The following POFUT1 variants were observed in gnomAD, a reference collection of about 807,000 sequenced individuals.
POFUT1 encodes the protein protein O-fucosyltransferase 1, also known as GDP-fucose protein O-fucosyltransferase 1.
POFUT1 carries 16 observed loss-of-function variants against 42.4 expected under a neutral mutation model. The observed-to-expected ratio is 0.38, with a 90% CI of 0.26 to 0.57. POFUT1 has a LOEUF of 0.57. Among genes scored for constraint, POFUT1 ranks in the 20% least tolerant of loss-of-function variants. POFUT1 has a pLI of 0.71. For synonymous variants in POFUT1, 206 were observed against 205.4 expected (o/e 1.00, Z -0.03); for missense variants, 470 against 504.6 (o/e 0.93, Z 0.66).
intron 4 of POFUT1, among the ~76,000 whole-genome samples, chr20:32,224,476 C>T (rs2047405216): frequency 6.6e-6 from 1 of 152,016 alleles, no homozygotes; most frequent in Admixed American, 6.5e-5. Flanking sequence ...TGTCACTGGT[C>T]CGAGGCCTGT....
intron 2 of POFUT1, 88 bp from the exon 3 acceptor site, chr20:32,215,181 A>T: frequency 9.8e-7 from 1 of 1,024,394 alleles, no homozygotes; most frequent in Non-Finnish European, 1.5e-6. Context: ...GAGCCACTGC[A>T]CCTGGCCTGG....
chr20:32,234,759 A>G lies in POFUT1; in HGVS notation c.*98A>G. ...GCAGCCAGAGGTGCTCCGGGATTGC[A>G]AACTCCTCTTCTCACCTGCCAAAGA... On this transcript the variant is annotated 3_prime_UTR_variant, in exon 7 of 7. Transcript: ENST00000375749. 9.3e-7 allele frequency: 1 copy of G among 1,078,578 alleles called. No homozygotes were observed. Among genetic ancestry groups the G allele is most frequent in the Non-Finnish European group, 1.3e-6 (1 of 751,358 alleles). The allele number at this position is 1,078,578 out of a possible 1,614,324, so 66.8% of individuals were successfully genotyped here. A position where few individuals can be genotyped will look rare whatever the true frequency, so the allele number is the denominator to read the frequency against.
intron 4 of POFUT1, among the ~76,000 whole-genome samples, chr20:32,220,536 A>G (rs1314645834): frequency 6.6e-6 from 1 of 152,068 alleles, no homozygotes; most frequent in Non-Finnish European, 1.5e-5. Flanking sequence ...GAGCCCAGGA[A>G]TTCAAGACCA....
intron 6 of POFUT1, among the ~76,000 whole-genome samples, 163 bp from the exon 7 acceptor site, chr20:32,234,310 G>A (rs934406100): frequency 1.3e-5 from 2 of 152,244 alleles, no homozygotes; most frequent in African/African-American, 2.4e-5. Context: ...GGCCTAGGCA[G>A]CAGCTGGGCA....
At chr20:32,228,091 A>G (rs1346222121) in intron 4 of POFUT1, among the ~76,000 whole-genome samples, 172 bp from the exon 5 acceptor site, 1 of 152,194 alleles carries the variant, frequency 6.6e-6, no homozygotes. Flanking sequence ...GCCGCCACCA[A>G]GGTTCCTTAT....
At chr20:32,217,425 G>A (rs2047367958) in intron 4 of POFUT1, 2 of 1,015,978 alleles carry the variant, frequency 2.0e-6, no homozygotes, top group Non-Finnish European at 2.4e-6. Context: ...TTCATGTGCG[G>A]TCAAAGCACT....
chr20:32,220,200 T>A (rs2047384373), intron 4 of POFUT1, among the ~76,000 whole-genome samples: 1 of 152,270 alleles, frequency 6.6e-6, no homozygotes, highest in Non-Finnish European at 1.5e-5. Flanking sequence ...CACATTTGTG[T>A]ATCTCTTCAT....
intron 3 of POFUT1, 118 bp from the exon 4 acceptor site, chr20:32,216,491 T>C: frequency 1.5e-6 from 1 of 668,036 alleles, no homozygotes; most frequent in Non-Finnish European, 2.7e-6. Context: ...GGCCATCCTG[T>C]GAGAGTGTTT....
intron 4 of POFUT1, chr20:32,222,973 C>T (rs1204132940): frequency 2.8e-5 from 28 of 984,916 alleles, no homozygotes; most frequent in Non-Finnish European, 3.3e-5. Context: ...TCCTTCATGG[C>T]AGGGACATCC....
intron 4 of POFUT1, among the ~76,000 whole-genome samples, chr20:32,225,764 A>G (rs1287668160): frequency 1.3e-5 from 2 of 152,146 alleles, no homozygotes; most frequent in African/African-American, 2.4e-5. Flanking sequence ...TGCTGGGATT[A>G]CAGAAGTGGC....
intron 2 of POFUT1, among the ~76,000 whole-genome samples, chr20:32,215,011 C>T (rs1264681431): frequency 2.0e-5 from 3 of 152,096 alleles, no homozygotes; most frequent in African/African-American, 7.2e-5. Flanking sequence ...CCTCAGTCTC[C>T]CCAGTAGCTG....
chr20:32,231,149 C>A, intron 6 of POFUT1, 88 bp downstream of exon 6: 1 of 1,459,396 alleles, frequency 6.9e-7, no homozygotes, highest in South Asian at 1.2e-5. Context: ...GCTTCACGGG[C>A]TCCCCTACAA....
At chr20:32,211,037 T>C (rs1474593715) in intron 2 of POFUT1, among the ~76,000 whole-genome samples, 1 of 152,230 alleles carries the variant, frequency 6.6e-6, no homozygotes, top group Non-Finnish European at 1.5e-5. Context: ...TTCTTACTAG[T>C]TGCATGGCCT....
chr20:32,213,422 C>G (rs1251570286), intron 2 of POFUT1, among the ~76,000 whole-genome samples: 2 of 150,514 alleles, frequency 1.3e-5, no homozygotes, highest in African/African-American at 4.9e-5. Flanking sequence ...CGCCACTGCA[C>G]TCCAACCTGG....
chr20:32,237,072 T>C lies in POFUT1; in HGVS notation c.*2411T>C, dbSNP rs1314142685. ...ATCAGCCACCTTACCTTCTACTGGG[T>C]ACCTGCTGTGAGTCTGCCTATGCCA... On this transcript the variant is annotated 3_prime_UTR_variant, in exon 7 of 7. Coordinates refer to ENST00000375749, the MANE Select transcript of POFUT1 (RefSeq NM_015352.2). The C allele has an allele frequency of 6.6e-6, 1 of 152,180 alleles. No individual in the cohort carries two copies. The highest frequency in any genetic ancestry group is 1.9e-4 in the East Asian group (1 of 5,198). The allele number at this position is 152,180 out of a possible 1,614,324, so 9.4% of individuals were successfully genotyped here. A position where few individuals can be genotyped will look rare whatever the true frequency, so the allele number is the denominator to read the frequency against.
chr20:32,217,898 TAATA>T (rs1390817580), intron 4 of POFUT1: 1 of 193,962 alleles, frequency 5.2e-6, no homozygotes, highest in Non-Finnish European at 9.4e-6. Flanking sequence ...TGTAAATCTT[TAATA>T]AATAACAACA....
chr20:32,227,060 G>A (rs73108516), intron 4 of POFUT1, among the ~76,000 whole-genome samples: 231 of 152,220 alleles, frequency 1.5e-3, no homozygotes, highest in Non-Finnish European at 2.0e-3. Flanking sequence ...AAGGATTTTG[G>A]CTGGCAGAAG....
intron 5 of POFUT1, among the ~76,000 whole-genome samples, chr20:32,230,243 T>A (rs2047435421): frequency 6.6e-6 from 1 of 151,646 alleles, no homozygotes; most frequent in Non-Finnish European, 1.5e-5. Flanking sequence ...AAAAATTAGC[T>A]GGGCGTGGTG....
intron 4 of POFUT1, among the ~76,000 whole-genome samples, chr20:32,221,436 C>T (rs1347888836): frequency 6.6e-6 from 1 of 152,072 alleles, no homozygotes; most frequent in Non-Finnish European, 1.5e-5. Flanking sequence ...GCTTGTCAGG[C>T]ATAGTGGCTC....
Sources: gnomAD v4.1 joint callset for allele counts (sites outside exome capture counted in the v4.1 genomes callset) on GRCh38, gnomAD v4.1.1 for gene constraint, MANE v1.5 for transcripts, NCBI Gene and HGNC (gene_info 2026-07-23, HGNC 2026-07-21) for gene names.